LARS2: variants seen among roughly 807,000 people sequenced by gnomAD.
LARS2 encodes leucyl-tRNA synthetase 2, mitochondrial.
Under a neutral mutation model 116.6 loss-of-function variants are expected in LARS2, and 81 were observed. The ratio of observed to expected loss-of-function variants is 0.69; its 90% CI spans 0.58 to 0.84. LARS2 has a LOEUF of 0.84. Among genes scored for constraint, LARS2 ranks in the 40% least tolerant of loss-of-function variants. The pLI, the probability that LARS2 is intolerant of heterozygous loss-of-function variation, is 0.00. For synonymous variants in LARS2, 396 were observed against 407.2 expected (o/e 0.97, Z 0.33); for missense variants, 968 against 1,114.5 (o/e 0.87, Z 1.87).
intron 2 of LARS2, among the ~76,000 whole-genome samples, 166 bp downstream of exon 2, chr3:45,391,814 G>C (rs1697957399): frequency 6.6e-6 from 1 of 152,206 alleles, no homozygotes. Flanking sequence ...GAGGTCATTA[G>C]TAAGCCAGGT....
chr3:45,476,060 A>G (rs1229666978), intron 9 of LARS2, among the ~76,000 whole-genome samples: 1 of 75,808 alleles, frequency 1.3e-5, no homozygotes, highest in Non-Finnish European at 3.4e-5. Context: ...AGAAAAGTAG[A>G]TGCCTTTTTT....
chr3:45,515,902 C>G (rs1048670394), intron 16 of LARS2, among the ~76,000 whole-genome samples, 192 bp from the exon 17 acceptor site: 3 of 152,096 alleles, frequency 2.0e-5, no homozygotes, highest in Admixed American at 6.5e-5. Context: ...GGAAGGTGGG[C>G]CTCATTCATT....
At position 45,512,209 on chromosome 3, in the gene LARS2, G is replaced by T. The variant is rs538695052; in HGVS notation, c.1761-926G>T. Among the ~76,000 whole-genome samples, 5 of 152,270 alleles carry T rather than the reference G, an allele frequency of 3.3e-5. No homozygotes were observed. The East Asian group carries it at 9.6e-4, about 29-fold the overall frequency. ...GCCATGTACTGGTGATGTTTGTGGG[G>T]AACATCACTGGATCTCCAGGAAATG... On this transcript the variant is annotated intron_variant, in intron 15 of 21. Coordinates refer to ENST00000645846, the MANE Select transcript of LARS2 (RefSeq NM_015340.4).
chr3:45,507,600 T>G (rs940290624), intron 15 of LARS2, among the ~76,000 whole-genome samples: 2 of 152,114 alleles, frequency 1.3e-5, no homozygotes, highest in Non-Finnish European at 2.9e-5. Context: ...GGAGCACACT[T>G]ATACAACACT....
rs1371652520 is a variant in LARS2 at position 45,548,771 on chromosome 3, G to A, written c.*1241G>A. The A allele has an allele frequency of 6.6e-6, 1 of 152,148 alleles. No homozygotes were observed. The highest frequency in any genetic ancestry group is 1.5e-5 in the Non-Finnish European group (1 of 68,020). The allele number at this position is 152,148 out of a possible 1,614,324, so 9.4% of individuals were successfully genotyped here. A position where few individuals can be genotyped will look rare whatever the true frequency, so the allele number is the denominator to read the frequency against. On this transcript the variant is annotated 3_prime_UTR_variant, in exon 22 of 22. Coordinates refer to ENST00000645846, the MANE Select transcript of LARS2 (RefSeq NM_015340.4). ...ATTTTTCTGAAGTAGCCTCACATGT[G>A]GTCCCCCTGCAGTTCAGCAGTTAAC...
chr3:45,422,013 C>G (rs570569240), intron 6 of LARS2: 1 of 152,060 alleles, frequency 6.6e-6, no homozygotes, highest in African/African-American at 2.4e-5. Flanking sequence ...ACTGTAAAGT[C>G]GAAAAATTGT....
chr3:45,429,858 C>T (rs1183721693), intron 6 of LARS2, among the ~76,000 whole-genome samples: 1 of 151,298 alleles, frequency 6.6e-6, no homozygotes, highest in East Asian at 1.9e-4. Context: ...CCTGCCACCA[C>T]ACCCAGCTGA....
chr3:45,399,366 T>C (rs1042702760), intron 3 of LARS2, among the ~76,000 whole-genome samples: 2 of 152,246 alleles, frequency 1.3e-5, no homozygotes, highest in African/African-American at 2.4e-5. Flanking sequence ...CAACTATTGC[T>C]TCTTTGAATT....
intron 14 of LARS2, among the ~76,000 whole-genome samples, chr3:45,498,427 C>T (rs994602264): frequency 6.6e-6 from 1 of 152,194 alleles, no homozygotes; most frequent in African/African-American, 2.4e-5. Flanking sequence ...TCTTTTCTGT[C>T]GCCTGGATTG....
chr3:45,483,571 C>T (rs1345676124), intron 10 of LARS2, among the ~76,000 whole-genome samples: 1 of 152,112 alleles, frequency 6.6e-6, no homozygotes, highest in African/African-American at 2.4e-5. Context: ...ATTGCTTGAA[C>T]CTGGGAGGCA....
At chr3:45,469,645 G>A (rs952853415) in intron 8 of LARS2, among the ~76,000 whole-genome samples, 2 of 151,964 alleles carry the variant, frequency 1.3e-5, no homozygotes, top group African/African-American at 4.8e-5. Context: ...TGCCCGGCCG[G>A]GTTTTTTTAA....
intron 7 of LARS2, among the ~76,000 whole-genome samples, chr3:45,449,210 TG>T (rs1324582232): frequency 6.7e-6 from 1 of 148,650 alleles, no homozygotes; most frequent in African/African-American, 2.5e-5. Flanking sequence ...TTGCCCAGGT[TG>T]GAGCGCAATG....
intron 11 of LARS2, 86 bp from the exon 12 acceptor site, chr3:45,488,611 G>T: frequency 1.3e-6 from 1 of 789,198 alleles, no homozygotes; most frequent in South Asian, 1.4e-5. Context: ...CCTTTAAGAA[G>T]CTAAACCTGG....
intron 10 of LARS2, among the ~76,000 whole-genome samples, chr3:45,485,339 G>A (rs1255912897): frequency 2.0e-5 from 3 of 152,116 alleles, no homozygotes; most frequent in African/African-American, 7.2e-5. Context: ...AATTTCTGAT[G>A]TCCCTGGTTT....
intron 6 of LARS2, among the ~76,000 whole-genome samples, chr3:45,440,372 C>A (rs1453014523): frequency 6.6e-6 from 1 of 152,120 alleles, no homozygotes; most frequent in East Asian, 1.9e-4. Context: ...CAAAAGTGCA[C>A]ATTACAAAAG....
chr3:45,457,609 C>T (rs537001851), intron 7 of LARS2, among the ~76,000 whole-genome samples: 59 of 152,096 alleles, frequency 3.9e-4, no homozygotes, highest in Non-Finnish European at 7.6e-4. Flanking sequence ...ACCCAGGAGG[C>T]AGAGGTTGCA....
At chr3:45,530,485 G>T (rs146347090) in intron 20 of LARS2, among the ~76,000 whole-genome samples, 1 of 151,958 alleles carries the variant, frequency 6.6e-6, no homozygotes, top group Non-Finnish European at 1.5e-5. Flanking sequence ...GCACCACTAC[G>T]CTCCCACCTG....
chr3:45,546,784 ATT>A (rs1392286231), intron 21 of LARS2, among the ~76,000 whole-genome samples: 1 of 152,180 alleles, frequency 6.6e-6, no homozygotes, highest in African/African-American at 2.4e-5. Context: ...AGAAAGAGTG[ATT>A]AATGTGACAA....
chr3:45,533,889 C>G (rs1700660848), intron 20 of LARS2, among the ~76,000 whole-genome samples: 1 of 152,238 alleles, frequency 6.6e-6, no homozygotes, highest in Admixed American at 6.5e-5. Context: ...CGTCACCCCA[C>G]TGGGGCTTTT....
Sources: gnomAD v4.1 joint callset for allele counts (sites outside exome capture counted in the v4.1 genomes callset) on GRCh38, gnomAD v4.1.1 for gene constraint, MANE v1.5 for transcripts, NCBI Gene and HGNC (gene_info 2026-07-23, HGNC 2026-07-21) for gene names.